GRIN2A: variants seen among roughly 807,000 people sequenced by gnomAD.
The protein encoded by GRIN2A is glutamate ionotropic receptor NMDA type subunit 2A, also known as glutamate receptor ionotropic, NMDA 2A.
In GRIN2A, 22 loss-of-function variants were observed where a neutral mutation model predicts 113.4. The observed-to-expected ratio is 0.19, with a 90% confidence interval of 0.14 to 0.28. The LOEUF is 0.28. GRIN2A is among the 10% of genes least tolerant of loss of function. The pLI is 1.00. For missense variants in GRIN2A, 1,502 were observed against 1,887.0 expected (o/e 0.80, Z 3.78); for synonymous variants, 827 against 738.4 (o/e 1.12, Z -1.94).
intron 11 of GRIN2A, among the ~76,000 whole-genome samples, chr16:9,782,495 C>T (rs1270486819): frequency 2.0e-5 from 3 of 152,150 alleles, no homozygotes; most frequent in African/African-American, 4.8e-5. Context: ...GATTTGGGGC[C>T]ACTGTTTATC....
At chr16:10,173,633 C>T (rs1215640645) in intron 2 of GRIN2A, among the ~76,000 whole-genome samples, 1 of 152,178 alleles carries the variant, frequency 6.6e-6, no homozygotes, top group East Asian at 1.9e-4. Context: ...TACCGTGTAA[C>T]AAACGCAAAG....
At chr16:9,864,196 C>A (rs927710151) in intron 4 of GRIN2A, among the ~76,000 whole-genome samples, 3 of 152,178 alleles carry the variant, frequency 2.0e-5, no homozygotes, top group Non-Finnish European at 1.5e-5. Context: ...CATTTGCAGT[C>A]TGGCAGAGTA....
At chr16:9,972,994 T>C (rs1377966701) in intron 2 of GRIN2A, among the ~76,000 whole-genome samples, 1 of 152,170 alleles carries the variant, frequency 6.6e-6, no homozygotes, top group Non-Finnish European at 1.5e-5. Context: ...GGAGATGAAA[T>C]CACAGGGCGT....
intron 2 of GRIN2A, among the ~76,000 whole-genome samples, chr16:10,030,263 C>T (rs143630069): frequency 0.013 from 1,956 of 152,172 alleles, 25 homozygotes; most frequent in South Asian, 0.035. Flanking sequence ...TCTCATCATT[C>T]AATATTACTG....
intron 2 of GRIN2A, among the ~76,000 whole-genome samples, chr16:10,146,784 T>G (rs774506660): frequency 1.7e-4 from 26 of 151,998 alleles, no homozygotes; most frequent in Non-Finnish European, 2.8e-4. Flanking sequence ...GATAAAGAGC[T>G]TCCCCATCCC....
intron 2 of GRIN2A, among the ~76,000 whole-genome samples, chr16:10,173,295 T>C (rs1033895665): frequency 6.6e-6 from 1 of 152,190 alleles, no homozygotes; most frequent in Admixed American, 6.5e-5. Flanking sequence ...CAGTGTTTAA[T>C]GGGAAGGCCC....
chr16:10,068,638 G>A (rs61422458), intron 2 of GRIN2A, among the ~76,000 whole-genome samples: 5,666 of 152,252 alleles, frequency 0.037, 394 homozygotes, highest in African/African-American at 0.13. Context: ...ACAATTCAAC[G>A]TAAGATTTGG....
intron 3 of GRIN2A, among the ~76,000 whole-genome samples, chr16:9,896,065 T>C (rs1050198045): frequency 1.3e-5 from 2 of 152,170 alleles, no homozygotes; most frequent in East Asian, 1.9e-4. Context: ...TTTTTTTTTT[T>C]TGGAAACAGG....
At chr16:9,887,047 G>A (rs544542278) in intron 4 of GRIN2A, among the ~76,000 whole-genome samples, 5 of 151,928 alleles carry the variant, frequency 3.3e-5, no homozygotes, top group Admixed American at 6.6e-5. Context: ...CCACCATGCC[G>A]GGCTAATTTT....
chr16:10,087,200 A>G (rs188312536), intron 2 of GRIN2A, among the ~76,000 whole-genome samples: 157 of 152,368 alleles, frequency 1.0e-3, no homozygotes, highest in East Asian at 2.1e-3. Flanking sequence ...ATCTGTAAGA[A>G]AGGGACAATG....
At chr16:10,090,126 G>C (rs1042902335) in intron 2 of GRIN2A, among the ~76,000 whole-genome samples, 26 of 152,150 alleles carry the variant, frequency 1.7e-4, no homozygotes, top group African/African-American at 6.0e-4. Flanking sequence ...CCAAGACACA[G>C]TCTACTGGTC....
intron 2 of GRIN2A, among the ~76,000 whole-genome samples, chr16:10,094,541 T>G (rs568543139): frequency 6.6e-6 from 1 of 152,126 alleles, no homozygotes; most frequent in Admixed American, 6.5e-5. Context: ...CCTCCACCTC[T>G]TGGGTTCAAG....
intron 2 of GRIN2A, among the ~76,000 whole-genome samples, chr16:10,178,419 G>C (rs1200049960): frequency 1.3e-5 from 2 of 152,192 alleles, no homozygotes; most frequent in Admixed American, 1.3e-4. Flanking sequence ...ATGTGGTCTT[G>C]GCAAATTCCC....
intron 2 of GRIN2A, chr16:9,970,683 G>A: frequency 1.7e-6 from 1 of 591,436 alleles, no homozygotes; most frequent in Non-Finnish European, 2.1e-6. Context: ...GATCTCTGAT[G>A]AGCTAGACAC....
Position 9,905,371 on chromosome 16 carries a change from A to G in GRIN2A, c.1008-14271T>C, listed in dbSNP as rs569448458. ...TTCAGGGCAAACACCAAGTTGATTT[A>G]TCAGAAAGAATACAAATTTCTCATG... is the stretch of plus-strand genomic sequence containing the variant. On this transcript the variant is annotated intron_variant, in intron 3 of 12. Coordinates refer to ENST00000330684, the MANE Select transcript of GRIN2A (RefSeq NM_001134407.3). Among the ~76,000 whole-genome samples, 8 of 152,358 alleles carry G rather than the reference A, an allele frequency of 5.3e-5. No homozygotes were observed. The East Asian group carries it at 1.5e-3, about 29-fold the overall frequency.
At chr16:9,948,417 C>G (rs949435418) in intron 2 of GRIN2A, among the ~76,000 whole-genome samples, 5 of 152,142 alleles carry the variant, frequency 3.3e-5, no homozygotes, top group African/African-American at 1.2e-4. Flanking sequence ...ATGGACCAAG[C>G]TTTCAGTAGC....
chr16:9,830,527 G>C (rs2042473085), intron 8 of GRIN2A, among the ~76,000 whole-genome samples: 1 of 151,688 alleles, frequency 6.6e-6, no homozygotes, highest in Admixed American at 6.6e-5. Context: ...ATTTCATAGG[G>C]AAGGTTTCCC....
chr16:9,839,376 TA>T (rs35146827), intron 7 of GRIN2A, among the ~76,000 whole-genome samples: 175 of 144,682 alleles, frequency 1.2e-3, no homozygotes, highest in East Asian at 7.1e-3. Flanking sequence ...TTCCTTGATT[TA>T]AAAAAAAAAA....
chr16:9,764,156 A>G lies in GRIN2A; in HGVS notation c.3388T>C (p.Leu1130=). The G allele has an allele frequency of 6.2e-7, 1 of 1,613,512 alleles. No individual in the cohort carries two copies. ...IDGEKEPGFH[L]DPPQFVENVT... The stretch of plus-strand genomic sequence containing the variant: ...TTTTCAACAAACTGGGGTGGATCTA[A>G]GTGGAAACCAGGCTCCTTCTCACCA... Residue 1130 remains leucine (L), a synonymous_variant, in exon 13 of 13, where the codon TTA becomes CTA. Transcript: ENST00000330684.
Sources: allele counts gnomAD v4.1 joint callset (sites outside exome capture counted in the v4.1 genomes callset), GRCh38; gene constraint gnomAD v4.1.1; transcripts MANE v1.5; gene names NCBI Gene and HGNC (gene_info 2026-07-23, HGNC 2026-07-21).